The following RALGPS2 variants were observed in gnomAD, a reference collection of about 807,000 sequenced individuals.
RALGPS2 encodes Ral GEF with PH domain and SH3 binding motif 2, also known as ras-specific guanine nucleotide-releasing factor RalGPS2.
RALGPS2 carries 43 observed loss-of-function variants against 86.8 expected under a neutral mutation model. The observed-to-expected ratio is 0.50, with a 90% CI of 0.39 to 0.64. The LOEUF (loss-of-function observed/expected upper bound fraction) is 0.64, where lower values mean the gene tolerates loss of function less well. Among genes scored for constraint, RALGPS2 ranks in the 30% least tolerant of loss-of-function variants. RALGPS2 has a pLI of 0.00. For synonymous variants in RALGPS2, 243 were observed against 231.3 expected (o/e 1.05, Z -0.46); for missense variants, 536 against 694.6 (o/e 0.77, Z 2.57).
In RALGPS2 at chr1:178,775,113, G is replaced by C. The variant is rs149666140; in HGVS notation, c.-83-1569G>C. On this transcript the variant is annotated intron_variant, in intron 1 of 19. Coordinates refer to ENST00000367635, the MANE Select transcript of RALGPS2 (RefSeq NM_152663.5). ...ACATCTGCATCATCATTACATCATA[G>C]TAATAGCATATTTACCATGTGCCAA... 6.0e-3 allele frequency among the ~76,000 whole-genome samples: 907 copies of C among 152,254 alleles called. 15 individuals are homozygous for C. Among genetic ancestry groups the C allele is most frequent in the African/African-American group, 0.021 (879 of 41,556 alleles).
intron 1 of RALGPS2, among the ~76,000 whole-genome samples, chr1:178,763,919 G>T (rs1324352601): frequency 6.6e-6 from 1 of 151,864 alleles, no homozygotes; most frequent in African/African-American, 2.4e-5. Context: ...TCCGATTGTG[G>T]GTTGATTTTA....
chr1:178,862,019 C>T (rs371417648), intron 8 of RALGPS2, among the ~76,000 whole-genome samples: 3 of 152,002 alleles, frequency 2.0e-5, no homozygotes, highest in East Asian at 1.9e-4. Flanking sequence ...ATTACAGGCA[C>T]GCACCACCAT....
intron 10 of RALGPS2, among the ~76,000 whole-genome samples, chr1:178,881,555 A>G (rs759246916): frequency 6.6e-6 from 1 of 152,114 alleles, no homozygotes; most frequent in Non-Finnish European, 1.5e-5. Flanking sequence ...GGTTCAAGCA[A>G]TTCTTCTGCC....
chr1:178,883,666 C>A, intron 11 of RALGPS2, 133 bp downstream of exon 11: 1 of 741,384 alleles, frequency 1.3e-6, no homozygotes, highest in Non-Finnish European at 2.1e-6. Context: ...TAAAATCTGT[C>A]CTTTCTGGGT....
intron 7 of RALGPS2, among the ~76,000 whole-genome samples, chr1:178,825,622 A>C (rs1465949605): frequency 1.3e-5 from 2 of 152,196 alleles, no homozygotes; most frequent in African/African-American, 2.4e-5. Flanking sequence ...TGACTTGTAG[A>C]TCTATAAATG....
At chr1:178,832,303 T>C (rs1173532005) in intron 7 of RALGPS2, among the ~76,000 whole-genome samples, 1 of 152,200 alleles carries the variant, frequency 6.6e-6, no homozygotes, top group Non-Finnish European at 1.5e-5. Context: ...ATTTTTCTAA[T>C]AGAGATTTTC....
chr1:178,822,394 C>CT (rs1425032702), intron 7 of RALGPS2, among the ~76,000 whole-genome samples: 1 of 151,852 alleles, frequency 6.6e-6, no homozygotes, highest in African/African-American at 2.4e-5. Flanking sequence ...CAATACTATT[C>CT]TTTAATGTTA....
chr1:178,876,323 A>T (rs538471906), intron 8 of RALGPS2, among the ~76,000 whole-genome samples: 14 of 152,176 alleles, frequency 9.2e-5, no homozygotes, highest in South Asian at 6.2e-4. Flanking sequence ...ATTTTTTTTT[A>T]AATTGGGCTA....
chr1:178,883,651 G>C, intron 11 of RALGPS2, 118 bp downstream of exon 11: 1 of 802,940 alleles, frequency 1.2e-6, no homozygotes, highest in Non-Finnish European at 1.9e-6. Flanking sequence ...AATTTATTTT[G>C]ATATTAAAAT....
intron 1 of RALGPS2, among the ~76,000 whole-genome samples, chr1:178,731,356 C>T (rs1379536921): frequency 4.9e-5 from 6 of 122,576 alleles, no homozygotes; most frequent in Non-Finnish European, 6.4e-5. Flanking sequence ...GATCTTGGCT[C>T]AGTGCACCCT....
Position 178,919,679 on chromosome 1 carries a change from A to G in RALGPS2, c.*3320A>G, listed in dbSNP as rs1259937305. On this transcript the variant is annotated 3_prime_UTR_variant, in exon 20 of 20. Transcript: ENST00000367635. Reference sequence around the variant, plus strand: ...ACTACTGAAAACAAAACTATAGGGCATCATACTAATTGAAAATCAATAGTA... The same window carrying G: ...ACTACTGAAAACAAAACTATAGGGCGTCATACTAATTGAAAATCAATAGTA... 1.3e-5 allele frequency: 2 copies of G among 152,056 alleles called. No individual in the cohort carries two copies. Among genetic ancestry groups the G allele is most frequent in the Admixed American group, 6.6e-5 (1 of 15,254 alleles). 9.4% of individuals were successfully genotyped at this position (152,056 alleles called of 1,614,324 possible).
In RALGPS2 at chr1:178,902,110, A is replaced by G; in HGVS notation, c.1529A>G (p.Lys510Arg). The G allele has an allele frequency of 1.2e-6, 2 of 1,610,904 alleles. No homozygotes were observed. The highest frequency in any genetic ancestry group is 2.2e-5 in the East Asian group (1 of 44,820). The change falls in exon 18 of 20, where the codon AAA becomes AGA. Residue 510 changes from lysine to arginine, a missense_variant. Physicochemically the swap from Lys to Arg is conservative, Grantham distance 26. Around this residue, in one of 3 missense-constraint regions of RALGPS2, gnomAD observed 309 missense variants for 363.0 expected, o/e 0.85. Coordinates refer to ENST00000367635, the MANE Select transcript of RALGPS2 (RefSeq NM_152663.5). ...AATTATCTTTTTTTCTCTCAGTTCAAATCAACATCCAATAAGAACGTATCT... is the reference window on the plus strand; with the variant it reads ...AATTATCTTTTTTTCTCTCAGTTCAGATCAACATCCAATAAGAACGTATCT... ...SLKATERKHFKSTSNKNVSVI... is the reference protein window; with the variant it reads ...SLKATERKHFRSTSNKNVSVI...
chr1:178,921,818 TTGAAA>T lies in RALGPS2; in HGVS notation c.*5461_*5465del, dbSNP rs1277214101. On this transcript the variant is annotated 3_prime_UTR_variant, in exon 20 of 20. Transcript: ENST00000367635. ...AGTACAGTTTTCTGAAATATTTCTA[TTGAAA>T]TAAATTACTTAAAATTATAGATTGG... 1.3e-5 allele frequency: 2 copies of T among 152,134 alleles called. No individual in the cohort carries two copies. Among genetic ancestry groups the T allele is most frequent in the African/African-American group, 4.8e-5 (2 of 41,450 alleles). The allele number at this position is 152,134 out of a possible 1,614,324, so 9.4% of individuals were successfully genotyped here. A position where few individuals can be genotyped will look rare whatever the true frequency, so the allele number is the denominator to read the frequency against.
chr1:178,875,647 C>A (rs961581668), intron 8 of RALGPS2, among the ~76,000 whole-genome samples: 1 of 151,986 alleles, frequency 6.6e-6, no homozygotes, highest in African/African-American at 2.4e-5. Flanking sequence ...ATTCGGGTGG[C>A]TGAGGCACAA....
chr1:178,781,038 A>G (rs1464543252), intron 2 of RALGPS2, among the ~76,000 whole-genome samples: 2 of 151,796 alleles, frequency 1.3e-5, no homozygotes, highest in Non-Finnish European at 2.9e-5. Flanking sequence ...GTATGTGTAT[A>G]TTTTTAACTA....
intron 8 of RALGPS2, among the ~76,000 whole-genome samples, chr1:178,875,267 A>G (rs929053190): frequency 3.3e-5 from 5 of 152,164 alleles, no homozygotes; most frequent in African/African-American, 7.2e-5. Context: ...GTTTTTCACA[A>G]TTTTCCTGAC....
At chr1:178,816,984 A>G (rs1373719877) in intron 6 of RALGPS2, among the ~76,000 whole-genome samples, 1 of 152,018 alleles carries the variant, frequency 6.6e-6, no homozygotes, top group Non-Finnish European at 1.5e-5. Context: ...CTGGGATTAC[A>G]GGTGTGAGCC....
rs146718829 is a variant in RALGPS2 at position 178,738,247 on chromosome 1, C to T, written c.-84+12828C>T. ...TTTTTGAGTTAGAGTCTCACTCTGTCGCCCAGGCTGGAGTGCAGTGGCACG... is the reference window on the plus strand; with the variant it reads ...TTTTTGAGTTAGAGTCTCACTCTGTTGCCCAGGCTGGAGTGCAGTGGCACG... On this transcript the variant is annotated intron_variant, in intron 1 of 19. Coordinates refer to ENST00000367635, the MANE Select transcript of RALGPS2 (RefSeq NM_152663.5). 2.3e-3 allele frequency among the ~76,000 whole-genome samples: 297 copies of T among 129,848 alleles called. 2 individuals are homozygous for T. The highest frequency in any genetic ancestry group is 8.7e-3 in the African/African-American group (290 of 33,424). The allele number at this position is 129,848 out of a possible 152,430, so 85.2% of individuals were successfully genotyped here. A position where few individuals can be genotyped will look rare whatever the true frequency, so the allele number is the denominator to read the frequency against.
chr1:178,856,195 AGAGAGAG>A (rs1286301954), intron 8 of RALGPS2, among the ~76,000 whole-genome samples: 1 of 39,206 alleles, frequency 2.6e-5, no homozygotes, highest in African/African-American at 1.0e-4. Context: ...TTTTCCAGAG[AGAGAGAG>A]ATATATATAT....
Sources: allele counts gnomAD v4.1 joint callset (sites outside exome capture counted in the v4.1 genomes callset), GRCh38; gene constraint gnomAD v4.1.1; regional missense constraint gnomAD v4.1.1; transcripts MANE v1.5; gene names NCBI Gene and HGNC (gene_info 2026-07-23, HGNC 2026-07-21).